Variants in ANKAR observed in about 807,000 individuals in gnomAD.
ANKAR encodes the protein ankyrin and armadillo repeat-containing protein.
ANKAR carries 136 observed loss-of-function variants against 146.2 expected under a neutral mutation model. The ratio of observed to expected loss-of-function variants is 0.93; its 90% confidence interval spans 0.81 to 1.07. The LOEUF (loss-of-function observed/expected upper bound fraction) is 1.07, where lower values mean the gene tolerates loss of function less well. ANKAR is among the 50% of genes least tolerant of loss of function. ANKAR has a pLI of 0.00. For synonymous variants in ANKAR, 500 were observed against 575.8 expected, an observed-to-expected ratio of 0.87 and a Z score of 1.88; for missense variants, 1,567 against 1,679.9, an observed-to-expected ratio of 0.93 and a Z score of 1.18.
chr2:189,751,214 A>G (rs2045138331), downstream of ANKAR, among the ~76,000 whole-genome samples: 1 of 152,126 alleles, frequency 6.6e-6, no homozygotes, highest in South Asian at 2.1e-4. Context: ...GGTGTCCAAG[A>G]TAAGGCTTTG....
intron 2 of ANKAR, among the ~76,000 whole-genome samples, chr2:189,688,085 G>A (rs992029396): frequency 3.9e-5 from 6 of 152,008 alleles, no homozygotes; most frequent in Non-Finnish European, 5.9e-5. Flanking sequence ...TAGTAGTTTC[G>A]TAGTTTGAGG....
intron 10 of ANKAR, among the ~76,000 whole-genome samples, chr2:189,713,964 C>T (rs1055956406): frequency 1.3e-5 from 2 of 152,124 alleles, no homozygotes; most frequent in Non-Finnish European, 2.9e-5. Context: ...GGTTGCCATC[C>T]TAGTCTCTGA....
intron 2 of ANKAR, among the ~76,000 whole-genome samples, chr2:189,677,873 A>G (rs1011837704): frequency 6.6e-6 from 1 of 152,124 alleles, no homozygotes; most frequent in South Asian, 2.1e-4. Context: ...TGTTTTTGCA[A>G]TTGTGAATTG....
chr2:189,750,750 T>C (rs1574844018), downstream of ANKAR: 5 of 856,388 alleles, frequency 5.8e-6, no homozygotes, highest in East Asian at 1.5e-4. Flanking sequence ...ATGGTATAAA[T>C]ATCAAATATT....
At chr2:189,698,491 A>C (rs1359738865) in intron 7 of ANKAR, among the ~76,000 whole-genome samples, 1 of 152,188 alleles carries the variant, frequency 6.6e-6, no homozygotes, top group Non-Finnish European at 1.5e-5. Flanking sequence ...GAGGTAGTAG[A>C]CTTAACCTCA....
rs551115746 is a variant in ANKAR, at chr2:189,743,800, T to G, written c.4010+326T>G. On this transcript the variant is annotated intron_variant, in intron 21 of 22. Coordinates refer to ENST00000684021, the MANE Select transcript of ANKAR (RefSeq NM_001378068.1). The stretch of plus-strand genomic sequence containing the variant: ...CTTTTTAGCAGACTAGGGATACATT[T>G]GAGAGTTCTGAGACAAGACCACCAC... 1.7e-4 allele frequency among the ~76,000 whole-genome samples: 26 copies of G among 152,308 alleles called. 1 individual carries two copies. The highest frequency in any genetic ancestry group is 6.0e-4 in the African/African-American group (25 of 41,578).
downstream of ANKAR, among the ~76,000 whole-genome samples, chr2:189,747,524 A>G (rs2105928483): frequency 6.6e-6 from 1 of 152,138 alleles, no homozygotes; most frequent in South Asian, 2.1e-4. Context: ...CTCATTCTCC[A>G]TATTTATAGT....
At chr2:189,692,583 G>A (rs1401218667) in intron 4 of ANKAR, 165 bp downstream of exon 4, 1 of 596,788 alleles carries the variant, frequency 1.7e-6, no homozygotes, top group South Asian at 2.4e-5. Context: ...AATGAATTAA[G>A]TGCAGATATA....
At chr2:189,688,948 C>T (rs923181066) in intron 2 of ANKAR, among the ~76,000 whole-genome samples, 1 of 149,030 alleles carries the variant, frequency 6.7e-6, no homozygotes, top group Non-Finnish European at 1.5e-5. Flanking sequence ...TCTAGTTAGG[C>T]GTAGGGGACA....
intron 10 of ANKAR, among the ~76,000 whole-genome samples, chr2:189,717,541 G>A (rs901259693): frequency 6.6e-6 from 1 of 152,124 alleles, no homozygotes; most frequent in Non-Finnish European, 1.5e-5. Flanking sequence ...ATTCCTCAAG[G>A]ATCTAGAACT....
At chr2:189,696,858 A>T (rs1203941645) in intron 7 of ANKAR, among the ~76,000 whole-genome samples, 1 of 152,192 alleles carries the variant, frequency 6.6e-6, no homozygotes, top group Non-Finnish European at 1.5e-5. Context: ...CAAACAGGGA[A>T]TAGTTTCTTT....
intron 19 of ANKAR, 32 bp downstream of exon 19, chr2:189,738,714 C>T (rs755265399): frequency 2.2e-6 from 3 of 1,351,208 alleles, no homozygotes; most frequent in East Asian, 4.6e-5. Context: ...ATTTTAGCCA[C>T]ATAAAACTAT....
At chr2:189,753,821 A>C in intron 18 of ANKAR, 1 of 1,313,212 alleles carries the variant, frequency 7.6e-7, no homozygotes, top group Non-Finnish European at 1.0e-6. Flanking sequence ...ATAAGGCATA[A>C]AGATCTGTTC....
At chr2:189,719,993 T>A (rs2041043808) in intron 11 of ANKAR, among the ~76,000 whole-genome samples, 180 bp downstream of exon 11, 1 of 152,162 alleles carries the variant, frequency 6.6e-6, no homozygotes, top group Admixed American at 6.6e-5. Flanking sequence ...TTGAGTACGG[T>A]CCAGAAGTAG....
intron 1 of ANKAR, among the ~76,000 whole-genome samples, chr2:189,675,285 T>G (rs1292096134): frequency 2.6e-5 from 4 of 152,146 alleles, no homozygotes; most frequent in Non-Finnish European, 5.9e-5. Flanking sequence ...CAATAAATAG[T>G]AGTTGTGGTT....
intron 12 of ANKAR, among the ~76,000 whole-genome samples, chr2:189,723,780 C>T (rs1333507460): frequency 6.6e-6 from 1 of 152,066 alleles, no homozygotes; most frequent in Non-Finnish European, 1.5e-5. Context: ...TCTTCTTTAC[C>T]TCTTATTCAC....
intron 18 of ANKAR, among the ~76,000 whole-genome samples, chr2:189,756,954 G>C (rs182469784): frequency 6.6e-5 from 10 of 152,268 alleles, no homozygotes; most frequent in African/African-American, 1.9e-4. Context: ...TTCCTTCTCT[G>C]TCTTGCCTCC....
At chr2:189,727,742 C>T in intron 12 of ANKAR, 114 bp from the exon 13 acceptor site, 1 of 1,310,544 alleles carries the variant, frequency 7.6e-7, no homozygotes, top group Non-Finnish European at 1.0e-6. Context: ...TCTTTATTTT[C>T]TCTAAGCTTT....
downstream of ANKAR, chr2:189,761,291 C>T (rs561753203): frequency 6.5e-6 from 6 of 916,172 alleles, no homozygotes; most frequent in South Asian, 1.2e-4. Flanking sequence ...TTTTCTATAG[C>T]AGTTATTAAA....
Sources: allele counts gnomAD v4.1 joint callset (sites outside exome capture counted in the v4.1 genomes callset), GRCh38; gene constraint gnomAD v4.1.1; transcripts MANE v1.5; gene names NCBI Gene and HGNC (gene_info 2026-07-23, HGNC 2026-07-21).